Variants in POM121C observed in about 807,000 individuals in gnomAD.
POM121C encodes POM121 transmembrane nucleoporin C.
Under a neutral mutation model 66.4 loss-of-function variants are expected in POM121C, and 20 were observed. The ratio of observed to expected loss-of-function variants is 0.30; its 90% CI spans 0.21 to 0.44. The LOEUF (loss-of-function observed/expected upper bound fraction) is 0.44. Among genes scored for constraint, POM121C ranks in the 20% least tolerant of loss-of-function variants. The pLI, the probability that POM121C is intolerant of heterozygous loss-of-function variation, is 1.00. For synonymous variants in POM121C, 286 were observed against 528.0 expected, an observed-to-expected ratio of 0.54 and a Z score of 6.28; for missense variants, 580 against 1,225.7, an observed-to-expected ratio of 0.47 and a Z score of 7.87.
intron 3 of POM121C, among the ~76,000 whole-genome samples, chr7:75,466,687 C>A (rs1220489919): frequency 6.7e-6 from 1 of 149,946 alleles, no homozygotes; most frequent in Non-Finnish European, 1.5e-5. Context: ...ATCAATTAAA[C>A]CAAATGTTGG....
At chr7:75,452,184 G>A (rs1188149197) in intron 3 of POM121C, among the ~76,000 whole-genome samples, 1 of 151,544 alleles carries the variant, frequency 6.6e-6, no homozygotes, top group African/African-American at 2.4e-5. Context: ...AAGGCTGGGT[G>A]CAGTGGCTCA....
chr7:75,443,493 ACATT>A (rs1327505684), intron 3 of POM121C, among the ~76,000 whole-genome samples: 1 of 151,812 alleles, frequency 6.6e-6, no homozygotes, highest in Non-Finnish European at 1.5e-5. Flanking sequence ...GTTTCCTCAG[ACATT>A]CATTCATTGA....
At chr7:75,477,775 A>AAT (rs1187154618) in intron 1 of POM121C, among the ~76,000 whole-genome samples, 5 of 150,520 alleles carry the variant, frequency 3.3e-5, no homozygotes, top group African/African-American at 1.2e-4. Context: ...CAAAGAAAAT[A>AAT]ATATATATAT....
At position 75,486,150 on chromosome 7, in the gene POM121C, C is replaced by A. The variant is rs1285770551; in HGVS notation, c.-744G>T. 5 of 330,958 alleles carry A rather than the reference C, an allele frequency of 1.5e-5. No homozygotes were observed. The highest frequency in any genetic ancestry group is 8.6e-5 in the Admixed American group (2 of 23,332). The allele number at this position is 330,958 out of a possible 1,614,324, so 20.5% of individuals were successfully genotyped here. A position where few individuals can be genotyped will look rare whatever the true frequency, so the allele number is the denominator to read the frequency against. On this transcript the variant is annotated 5_prime_UTR_variant, in exon 1 of 15. Transcript: ENST00000615331. ...CGAGCCTCTACCCGGCCCGCGCGAA[C>A]CCTGGGCCGCACAGCTCCCGCCCGC...
At chr7:75,444,293 A>T (rs1334087926) in intron 3 of POM121C, among the ~76,000 whole-genome samples, 5 of 140,784 alleles carry the variant, frequency 3.6e-5, no homozygotes, top group Admixed American at 7.3e-5. Context: ...GTGTTGCTTA[A>T]GAAAAAAATC....
chr7:75,437,141 C>T (rs1249525230), intron 7 of POM121C, among the ~76,000 whole-genome samples: 1 of 152,190 alleles, frequency 6.6e-6, no homozygotes, highest in Non-Finnish European at 1.5e-5. Flanking sequence ...AGCTCTGTCT[C>T]GAATCAGCTC....
At chr7:75,481,427 T>C (rs1242472558) in intron 1 of POM121C, among the ~76,000 whole-genome samples, 26 of 152,210 alleles carry the variant, frequency 1.7e-4, no homozygotes, top group Middle Eastern at 6.8e-3. Flanking sequence ...CATGAGCTCA[T>C]GATGGTAACA....
chr7:75,440,005 G>T (rs1790571055), intron 5 of POM121C, among the ~76,000 whole-genome samples: 1 of 149,836 alleles, frequency 6.7e-6, no homozygotes. Flanking sequence ...CTCAGCCTCT[G>T]GAGTAGCTGG....
rs2443468 is a variant in POM121C, at chr7:75,464,868, A to C, written c.-152+9836T>G. Among the ~76,000 whole-genome samples, 24 of 147,734 alleles carry C rather than the reference A, an allele frequency of 1.6e-4. No individual in the cohort carries two copies. In the East Asian group the frequency reaches 3.9e-3, roughly 24 times the overall value. On this transcript the variant is annotated intron_variant, in intron 3 of 14. Transcript: ENST00000615331. ...CGAAACTCCATCTCAAAAAAAAAAA[A>C]AAAAAAAAAAAAAAGTATAGAAATG...
At chr7:75,466,277 A>G (rs1168820147) in intron 3 of POM121C, among the ~76,000 whole-genome samples, 1 of 151,502 alleles carries the variant, frequency 6.6e-6, no homozygotes, top group East Asian at 1.9e-4. Context: ...AGAGCAAAAT[A>G]ACCACAAAAC....
At chr7:75,481,999 C>CAA (rs1563162080) in intron 1 of POM121C, among the ~76,000 whole-genome samples, 1 of 151,854 alleles carries the variant, frequency 6.6e-6, no homozygotes, top group African/African-American at 2.4e-5. Flanking sequence ...CAGAAGTAGA[C>CAA]AAATGCCACG....
At chr7:75,425,494 G>A in intron 9 of POM121C, 141 bp downstream of exon 9, 8 of 1,189,964 alleles carry the variant, frequency 6.7e-6, no homozygotes, top group Admixed American at 2.8e-5. Flanking sequence ...TTCTGAAGGA[G>A]AGGAAATCTC....
chr7:75,476,278 G>A (rs587689966), intron 1 of POM121C, among the ~76,000 whole-genome samples: 1 of 143,932 alleles, frequency 6.9e-6, no homozygotes, highest in East Asian at 2.2e-4. Flanking sequence ...GCAACAGAGC[G>A]AGACCTTGTC....
rs1554470677 is a variant in POM121C, at chr7:75,421,686, G to C, written c.2566C>G (p.Pro856Ala). The C allele has an allele frequency of 1.2e-6, 2 of 1,609,342 alleles. No homozygotes were observed. Among genetic ancestry groups the C allele is most frequent in the Non-Finnish European group, 8.5e-7 (1 of 1,178,522 alleles). The change falls in exon 13 of 15, where the codon CCA (proline) becomes GCA (alanine). Residue 856 changes from proline (P) to alanine (A), a missense_variant. Pro to Ala is a conservative substitution (Grantham distance 27). Coordinates refer to ENST00000615331, the MANE Select transcript of POM121C (RefSeq NM_001099415.3). ...GCTCCGGTGGTGGCGCTGGAGCCTG[G>C]GGTGGCCACGTTGATCCCAAAGCTC... ...SGSFGINVATPGSSATTGAFS... is the reference protein window; with the variant it reads ...SGSFGINVATAGSSATTGAFS...
At chr7:75,421,362 C>A in intron 13 of POM121C, 147 bp downstream of exon 13, 1 of 1,485,284 alleles carries the variant, frequency 6.7e-7, no homozygotes, top group Non-Finnish European at 9.0e-7. Flanking sequence ...GTTAGCAAAA[C>A]ATGTATCATG....
intron 3 of POM121C, among the ~76,000 whole-genome samples, chr7:75,452,747 C>G (rs1791061495): frequency 6.6e-6 from 1 of 152,208 alleles, no homozygotes; most frequent in East Asian, 1.9e-4. Context: ...TATTGATTCT[C>G]TCAAGACTGT....
chr7:75,419,227 T>C, intron 14 of POM121C, 93 bp downstream of exon 14: 1 of 1,483,938 alleles, frequency 6.7e-7, no homozygotes, highest in Non-Finnish European at 9.0e-7. Flanking sequence ...CTGAACCTGA[T>C]CTTCACGGGG....
intron 3 of POM121C, among the ~76,000 whole-genome samples, chr7:75,453,082 T>A (rs1554475872): frequency 6.6e-6 from 1 of 152,044 alleles, no homozygotes; most frequent in East Asian, 1.9e-4. Context: ...AAACTCACTA[T>A]TGACGGTGCA....
chr7:75,427,816 A>G (rs116037576), intron 7 of POM121C, among the ~76,000 whole-genome samples: 1,800 of 152,338 alleles, frequency 0.012, 32 homozygotes, highest in African/African-American at 0.035. Flanking sequence ...GCCAAGCTTA[A>G]TAAGAGTTCA....
Sources: gnomAD v4.1 joint callset for allele counts (sites outside exome capture counted in the v4.1 genomes callset) on GRCh38, gnomAD v4.1.1 for gene constraint, MANE v1.5 for transcripts, NCBI Gene and HGNC (gene_info 2026-07-23, HGNC 2026-07-21) for gene names.